LRP1B: variants seen among roughly 807,000 people sequenced by gnomAD.
The protein encoded by LRP1B is LDL receptor related protein 1B, also known as low-density lipoprotein receptor-related protein 1B.
In LRP1B, 217 loss-of-function variants were observed where a neutral mutation model predicts 556.6. The ratio of observed to expected loss-of-function variants is 0.39; its 90% CI spans 0.35 to 0.44. The LOEUF is 0.44. Among genes scored for constraint, LRP1B ranks in the 20% least tolerant of loss-of-function variants. LRP1B has a pLI of 1.00. For synonymous variants in LRP1B, 2,047 were observed against 1,865.8 expected (o/e 1.10, Z -2.50); for missense variants, 5,053 against 5,620.8 (o/e 0.90, Z 3.23).
At chr2:141,114,787 A>C (rs577518992) in intron 7 of LRP1B, among the ~76,000 whole-genome samples, 1 of 152,130 alleles carries the variant, frequency 6.6e-6, no homozygotes, top group Non-Finnish European at 1.5e-5. Flanking sequence ...TGTTTGTATA[A>C]ATTGTCAGAG....
intron 1 of LRP1B, among the ~76,000 whole-genome samples, chr2:141,868,301 C>T (rs1179707590): frequency 3.3e-5 from 5 of 151,948 alleles, no homozygotes; most frequent in Non-Finnish European, 7.4e-5. Context: ...TTGCCAATCC[C>T]ACTTCTGTAA....
chr2:141,788,482 G>GCTATGTTCCT (rs1373010727), intron 2 of LRP1B, among the ~76,000 whole-genome samples: 2 of 151,902 alleles, frequency 1.3e-5, no homozygotes, highest in Non-Finnish European at 2.9e-5. Flanking sequence ...AGCACTCATT[G>GCTATGTTCCT]AATGGTTGCT....
In LRP1B at chr2:140,334,578, A is replaced by G. The variant is rs191638311; in HGVS notation, c.12117-19T>C. 1.1e-4 allele frequency: 163 copies of G among 1,435,708 alleles called. 1 individual carries two copies. The African/African-American group carries it at 2.0e-3, about 18-fold the overall frequency. 88.9% of individuals were successfully genotyped at this position (1,435,708 alleles called of 1,614,324 possible). On this transcript the variant is annotated intron_variant, in intron 78 of 90. Transcript: ENST00000389484. ...CATCATCCTGAAGAGAGCGGGTCAG[A>G]GAGGTTAGCCTGGTGATGGTGCTGC...
intron 20 of LRP1B, among the ~76,000 whole-genome samples, chr2:140,928,764 C>T (rs1421355340): frequency 6.6e-6 from 1 of 152,008 alleles, no homozygotes; most frequent in Admixed American, 6.6e-5. Flanking sequence ...CAGAAGGTGA[C>T]ACTTGAGTGA....
chr2:141,010,537 C>T (rs1475276934), intron 14 of LRP1B, among the ~76,000 whole-genome samples: 1 of 151,222 alleles, frequency 6.6e-6, no homozygotes, highest in Non-Finnish European at 1.5e-5. Flanking sequence ...TTTTTTTAGA[C>T]AGAGTTTTGC....
At chr2:141,647,940 T>A (rs938520193) in intron 2 of LRP1B, among the ~76,000 whole-genome samples, 2 of 151,822 alleles carry the variant, frequency 1.3e-5, no homozygotes, top group Non-Finnish European at 2.9e-5. Context: ...AGAAAAAAAA[T>A]TTTTTAATCT....
intron 20 of LRP1B, among the ~76,000 whole-genome samples, chr2:140,925,286 A>G (rs1454368559): frequency 6.6e-6 from 1 of 152,212 alleles, no homozygotes; most frequent in East Asian, 1.9e-4. Context: ...TAAACAAGAT[A>G]TTGTGAAGTC....
intron 2 of LRP1B, among the ~76,000 whole-genome samples, chr2:141,668,387 G>A (rs1337726634): frequency 6.6e-6 from 1 of 152,076 alleles, no homozygotes; most frequent in Non-Finnish European, 1.5e-5. Flanking sequence ...GTGGCCAAAT[G>A]TTGCCTTTTG....
intron 47 of LRP1B, among the ~76,000 whole-genome samples, chr2:140,533,045 C>A (rs1690789124): frequency 6.7e-6 from 1 of 148,432 alleles, no homozygotes; most frequent in Non-Finnish European, 1.5e-5. Context: ...GCGTCTCGAA[C>A]CTTAATGCAT....
chr2:141,163,842 AT>A (rs1328515648), intron 7 of LRP1B, among the ~76,000 whole-genome samples: 1 of 152,070 alleles, frequency 6.6e-6, no homozygotes, highest in Non-Finnish European at 1.5e-5. Context: ...CAGCATGAAA[AT>A]GAACTAATAC....
chr2:141,544,699 G>A (rs778791875), intron 2 of LRP1B, among the ~76,000 whole-genome samples: 23 of 151,664 alleles, frequency 1.5e-4, no homozygotes, highest in South Asian at 2.1e-4. Flanking sequence ...AGGGTCTCAC[G>A]TTGTCACTGA....
chr2:141,487,287 C>A (rs933294848), intron 2 of LRP1B, among the ~76,000 whole-genome samples: 4 of 152,210 alleles, frequency 2.6e-5, no homozygotes, highest in Non-Finnish European at 4.4e-5. Flanking sequence ...TATCTGATGT[C>A]ATTGATTATT....
chr2:141,177,178 A>C (rs539589401), intron 7 of LRP1B, among the ~76,000 whole-genome samples: 1 of 152,102 alleles, frequency 6.6e-6, no homozygotes, highest in African/African-American at 2.4e-5. Context: ...AATCAAACAC[A>C]TAGGAGTCAC....
intron 1 of LRP1B, among the ~76,000 whole-genome samples, chr2:141,879,911 G>C (rs1187508004): frequency 6.6e-6 from 1 of 151,906 alleles, no homozygotes; most frequent in African/African-American, 2.4e-5. Context: ...TGCACACTTT[G>C]TATGCATTTT....
chr2:140,246,955 A>G lies in LRP1B; in HGVS notation c.13324+131T>C, dbSNP rs189285912. ...GCTCAGTGCTTCCTCTTTCAAAAAC[A>G]CCTCAATTGCAGTGGATCTCTTATA... is the stretch of plus-strand genomic sequence containing the variant. On this transcript the variant is annotated intron_variant, in intron 87 of 90. Transcript: ENST00000389484. The G allele has an allele frequency of 1.1e-3, 697 of 606,164 alleles. 7 individuals carry two copies. Among genetic ancestry groups the G allele is most frequent in the South Asian group, 8.0e-3 (404 of 50,700 alleles). The allele number at this position is 606,164 out of a possible 1,614,324, so 37.5% of individuals were successfully genotyped here. A position where few individuals can be genotyped will look rare whatever the true frequency, so the allele number is the denominator to read the frequency against.
At chr2:141,662,905 C>CA (rs1336251454) in intron 2 of LRP1B, among the ~76,000 whole-genome samples, 2 of 151,704 alleles carry the variant, frequency 1.3e-5, no homozygotes, top group Non-Finnish European at 2.9e-5. Flanking sequence ...ACACTTACTC[C>CA]AAAATTGTTC....
intron 1 of LRP1B, among the ~76,000 whole-genome samples, chr2:142,075,758 C>A (rs6744928): frequency 1.5e-4 from 23 of 151,834 alleles, no homozygotes; most frequent in African/African-American, 4.6e-4. Context: ...AACTCTCCCT[C>A]CACGTTAATC....
intron 68 of LRP1B, among the ~76,000 whole-genome samples, chr2:140,376,282 AAGT>A (rs528464472): frequency 6.9e-6 from 1 of 145,700 alleles, no homozygotes; most frequent in South Asian, 2.1e-4. Flanking sequence ...GATTTTAAAG[AAGT>A]AGTAGTATTT....
chr2:140,520,504 G>A (rs2380880), intron 49 of LRP1B, among the ~76,000 whole-genome samples: 111,212 of 151,708 alleles, frequency 0.73, 41,277 homozygotes, highest in Middle Eastern at 0.88. Context: ...TGCCTAATGT[G>A]GATGGCGAGT....
Sources: allele counts gnomAD v4.1 joint callset (sites outside exome capture counted in the v4.1 genomes callset), GRCh38; gene constraint gnomAD v4.1.1; transcripts MANE v1.5; gene names NCBI Gene and HGNC (gene_info 2026-07-23, HGNC 2026-07-21).